Variants in ANXA3 observed in about 807,000 individuals in gnomAD.
ANXA3 encodes the protein 35-alpha calcimedin.
In ANXA3, 46 loss-of-function variants were observed where a neutral mutation model predicts 48.8. The ratio of observed to expected loss-of-function variants is 0.94; its 90% confidence interval spans 0.74 to 1.21. The LOEUF (loss-of-function observed/expected upper bound fraction) is 1.21, where lower values mean the gene tolerates loss of function less well. Ranked by LOEUF, ANXA3 falls within the 50% of genes most tolerant of loss-of-function variation. The pLI is 0.00. For synonymous variants in ANXA3, 128 were observed against 134.7 expected (o/e 0.95, Z 0.35); for missense variants, 383 against 378.6 (o/e 1.01, Z -0.10).
chr4:78,606,326 C>T (rs747841600), intron 12 of ANXA3, among the ~76,000 whole-genome samples: 2 of 152,200 alleles, frequency 1.3e-5, no homozygotes, highest in African/African-American at 2.4e-5. Context: ...AGTGTTTGCT[C>T]TGAGTGCTGA....
Position 78,587,778 on chromosome 4 carries a change from A to C in ANXA3, c.403+1428A>C, listed in dbSNP as rs375631330. Reference sequence around the variant, plus strand: ...AACAGAAACAGCACTAGGTATTTTGACAGATAGAATGTAATATAAAGAACT... The same window carrying C: ...AACAGAAACAGCACTAGGTATTTTGCCAGATAGAATGTAATATAAAGAACT... On this transcript the variant is annotated intron_variant, in intron 6 of 12. Transcript: ENST00000264908. Among the ~76,000 whole-genome samples the C allele has an allele frequency of 1.3e-4, 20 of 152,178 alleles. No individual in the cohort carries two copies. In the East Asian group the frequency reaches 1.3e-3, roughly 10 times the overall value.
intron 10 of ANXA3, among the ~76,000 whole-genome samples, chr4:78,599,394 C>T (rs17003384): frequency 0.042 from 6,421 of 152,268 alleles, 459 homozygotes; most frequent in African/African-American, 0.15. Context: ...ATGGTCAACA[C>T]ATAGTTTTTG....
At chr4:78,598,179 C>CCACACACACACACA (rs57634883) in intron 10 of ANXA3, among the ~76,000 whole-genome samples, 29 of 144,764 alleles carry the variant, frequency 2.0e-4, no homozygotes, top group African/African-American at 7.0e-4. Context: ...ATTAAAAAAA[C>CCACACACACACACA]CACACACACA....
intron 4 of ANXA3, among the ~76,000 whole-genome samples, chr4:78,579,459 T>A (rs111275777): frequency 1.2e-4 from 18 of 152,012 alleles, no homozygotes; most frequent in African/African-American, 4.3e-4. Context: ...TGGTGGGGAG[T>A]ACTTCTAGCA....
At chr4:78,606,260 G>A (rs991168429) in intron 12 of ANXA3, among the ~76,000 whole-genome samples, 6 of 152,206 alleles carry the variant, frequency 3.9e-5, no homozygotes, top group Non-Finnish European at 8.8e-5. Context: ...GGTCTAAGCT[G>A]AGACTTGGGG....
intron 2 of ANXA3, among the ~76,000 whole-genome samples, chr4:78,558,490 A>G (rs1722562629): frequency 6.6e-6 from 1 of 152,226 alleles, no homozygotes; most frequent in South Asian, 2.1e-4. Context: ...AAGTCATTGC[A>G]TTTCTACAAA....
chr4:78,557,675 G>C (rs1460468590), intron 2 of ANXA3, among the ~76,000 whole-genome samples: 1 of 143,694 alleles, frequency 7.0e-6, no homozygotes. Context: ...GGCTCCTACT[G>C]TCTCTGGGTT....
intron 12 of ANXA3, among the ~76,000 whole-genome samples, chr4:78,606,168 C>T (rs1439678187): frequency 2.0e-5 from 3 of 152,192 alleles, no homozygotes; most frequent in Non-Finnish European, 2.9e-5. Context: ...CAGACCTCTC[C>T]GTCTCTTTGC....
At chr4:78,560,440 C>T (rs764813438) in intron 2 of ANXA3, among the ~76,000 whole-genome samples, 3 of 152,116 alleles carry the variant, frequency 2.0e-5, no homozygotes, top group Non-Finnish European at 4.4e-5. Context: ...TGAGGGATAC[C>T]CATGGGCAAG....
intron 2 of ANXA3, among the ~76,000 whole-genome samples, chr4:78,556,184 A>G (rs866666200): frequency 3.9e-5 from 6 of 152,328 alleles, no homozygotes; most frequent in Admixed American, 6.5e-5. Context: ...AAACATGCAG[A>G]CAGCATAAAT....
intron 5 of ANXA3, among the ~76,000 whole-genome samples, chr4:78,585,829 G>C (rs932468651): frequency 3.3e-5 from 5 of 152,202 alleles, no homozygotes; most frequent in Middle Eastern, 3.2e-3. Context: ...CTGAGGATTT[G>C]AAAGGCTCCC....
At chr4:78,586,805 A>G (rs886813656) in intron 6 of ANXA3, among the ~76,000 whole-genome samples, 2 of 152,208 alleles carry the variant, frequency 1.3e-5, no homozygotes, top group African/African-American at 4.8e-5. Flanking sequence ...TGGCTGTGTA[A>G]AATTAGAAAG....
At chr4:78,572,004 C>T (rs1722849548) in intron 2 of ANXA3, among the ~76,000 whole-genome samples, 1 of 152,156 alleles carries the variant, frequency 6.6e-6, no homozygotes, top group Non-Finnish European at 1.5e-5. Flanking sequence ...GTCTGGGATT[C>T]CCCAAGGACA....
intron 5 of ANXA3, among the ~76,000 whole-genome samples, chr4:78,585,192 G>C (rs1264662152): frequency 6.6e-6 from 1 of 152,210 alleles, no homozygotes; most frequent in African/African-American, 2.4e-5. Flanking sequence ...CCAAAGGGGA[G>C]GGTTTAGCAG....
chr4:78,554,312 C>A, intron 1 of ANXA3, 124 bp from the exon 2 acceptor site: 1 of 694,220 alleles, frequency 1.4e-6, no homozygotes, highest in Non-Finnish European at 2.5e-6. Flanking sequence ...ATATGCTCTT[C>A]CTGAGAAGGT....
chr4:78,554,504 G>A lies in ANXA3; in HGVS notation c.15+16G>A, dbSNP rs749441774. On this transcript the variant is annotated intron_variant, in intron 2 of 12. Transcript: ENST00000264908. ...ATCTATCTGGGTAAGTAAAAATTAA[G>A]CCTTCACAACACAGTAACATATATG... The A allele has an allele frequency of 6.2e-7, 1 of 1,612,364 alleles. No homozygotes were observed. The highest frequency in any genetic ancestry group is 8.5e-7 in the Non-Finnish European group (1 of 1,178,834).
At chr4:78,583,439 T>C (rs936928901) in intron 5 of ANXA3, among the ~76,000 whole-genome samples, 8 of 151,580 alleles carry the variant, frequency 5.3e-5, no homozygotes, top group African/African-American at 1.5e-4. Context: ...CTGAGCAACA[T>C]AGTGAGAACT....
intron 2 of ANXA3, 166 bp from the exon 3 acceptor site, chr4:78,573,014 T>G: frequency 1.4e-6 from 1 of 736,262 alleles, no homozygotes; most frequent in South Asian, 1.4e-5. Context: ...TTTCTCTTAC[T>G]GTCATAATTT....
Position 78,606,136 on chromosome 4 carries a change from C to T in ANXA3, c.912+1737C>T, listed in dbSNP as rs28720813. Among the ~76,000 whole-genome samples the T allele has an allele frequency of 5.2e-3, 788 of 152,360 alleles. 4 individuals are homozygous for T. Among genetic ancestry groups the T allele is most frequent in the African/African-American group, 0.018 (748 of 41,584 alleles). On this transcript the variant is annotated intron_variant, in intron 12 of 12. Coordinates refer to ENST00000264908, the MANE Select transcript of ANXA3 (RefSeq NM_005139.3). ...GAAAAGACAGAGTCAGGGCTGCCTTCGCAGAGGACTTGCAGGCTATGCAGA... is the reference window on the plus strand; with the variant it reads ...GAAAAGACAGAGTCAGGGCTGCCTTTGCAGAGGACTTGCAGGCTATGCAGA...
Sources: gnomAD v4.1 joint callset for allele counts (sites outside exome capture counted in the v4.1 genomes callset) on GRCh38, gnomAD v4.1.1 for gene constraint, MANE v1.5 for transcripts, NCBI Gene and HGNC (gene_info 2026-07-23, HGNC 2026-07-21) for gene names.